Variants in ZFC3H1 observed in about 807,000 individuals in gnomAD.
ZFC3H1 encodes the protein zinc finger C3H1-type containing.
ZFC3H1 carries 71 observed loss-of-function variants against 243.7 expected under a neutral mutation model. The ratio of observed to expected loss-of-function variants is 0.29; its 90% confidence interval spans 0.24 to 0.36. The LOEUF is 0.36. Ranked by LOEUF, ZFC3H1 falls within the 10% of genes least tolerant of loss-of-function variation. The pLI, the probability that ZFC3H1 is intolerant of heterozygous loss-of-function variation, is 1.00. For missense variants in ZFC3H1, 1,966 were observed against 2,317.1 expected, an observed-to-expected ratio of 0.85 and a Z score of 3.11; for synonymous variants, 838 against 813.0, an observed-to-expected ratio of 1.03 and a Z score of -0.52.
intron 6 of ZFC3H1, among the ~76,000 whole-genome samples, chr12:71,640,584 C>A (rs1880576325): frequency 6.6e-6 from 1 of 152,216 alleles, no homozygotes. Context: ...ACCCCCAAGG[C>A]CATGCAACTG....
chr12:71,644,592 G>A (rs1263427699), intron 4 of ZFC3H1, among the ~76,000 whole-genome samples: 1 of 152,154 alleles, frequency 6.6e-6, no homozygotes, highest in Non-Finnish European at 1.5e-5. Flanking sequence ...TGAGGCGAGT[G>A]GATCACCTGA....
intron 6 of ZFC3H1, among the ~76,000 whole-genome samples, chr12:71,640,430 T>A (rs1880572250): frequency 6.6e-6 from 1 of 152,236 alleles, no homozygotes. Context: ...CAGATCAAGA[T>A]GCAGAGGCCA....
chr12:71,612,033 C>T, intron 31 of ZFC3H1, 146 bp from the exon 32 acceptor site: 1 of 509,620 alleles, frequency 2.0e-6, no homozygotes, highest in Middle Eastern at 4.6e-4. Flanking sequence ...ATGCCTCTTA[C>T]AAAAATTACC....
In ZFC3H1 at chr12:71,663,006, A is replaced by C; in HGVS notation, c.598+7T>G. The C allele has an allele frequency of 6.3e-7, 1 of 1,584,654 alleles. No homozygotes were observed. The highest frequency in any genetic ancestry group is 8.6e-7 in the Non-Finnish European group (1 of 1,165,158). On this transcript the variant is annotated splice_region_variant and intron_variant, in intron 1 of 34. Coordinates refer to ENST00000378743, the MANE Select transcript of ZFC3H1 (RefSeq NM_144982.5). ...ACACCCAGCGCCGACCGCCACGTTA[A>C]GGATACAGCTCTTCCGAGGTGGAGA...
intron 3 of ZFC3H1, among the ~76,000 whole-genome samples, chr12:71,647,313 T>C (rs1356506140): frequency 6.6e-6 from 1 of 152,092 alleles, no homozygotes; most frequent in Admixed American, 6.6e-5. Flanking sequence ...TAAGTTCAGT[T>C]TGTAGAAAAG....
intron 1 of ZFC3H1, among the ~76,000 whole-genome samples, chr12:71,658,314 A>T (rs1338320488): frequency 8.2e-6 from 1 of 121,376 alleles, no homozygotes; most frequent in Non-Finnish European, 1.6e-5. Flanking sequence ...TTTGAGACAG[A>T]GTCTCGCACT....
intron 31 of ZFC3H1, among the ~76,000 whole-genome samples, chr12:71,612,806 A>G (rs1193938949): frequency 6.6e-6 from 1 of 152,180 alleles, no homozygotes; most frequent in Non-Finnish European, 1.5e-5. Flanking sequence ...TTGCTGTATC[A>G]GAGCAGAGAA....
rs574087948 is a variant in ZFC3H1, at chr12:71,625,906, A to G, written c.4317+354T>C. The stretch of plus-strand genomic sequence containing the variant: ...TAGAGGCAATTTAAGATAAATTTAA[A>G]AGAAACAATTTTTTCAGGTGTTTTG... On this transcript the variant is annotated intron_variant, in intron 22 of 34. Transcript: ENST00000378743. 1.2e-3 allele frequency among the ~76,000 whole-genome samples: 177 copies of G among 152,338 alleles called. 1 individual carries two copies. Among genetic ancestry groups the G allele is most frequent in the African/African-American group, 4.0e-3 (168 of 41,584 alleles).
rs993320458 is a variant in ZFC3H1, at chr12:71,631,903, A to G, written c.3361-16T>C. On this transcript the variant is annotated splice_polypyrimidine_tract_variant and intron_variant, in intron 15 of 34. Coordinates refer to ENST00000378743, the MANE Select transcript of ZFC3H1 (RefSeq NM_144982.5). ...CAGAAATCTCCTGCAAAAGAAAATA[A>G]TAATTCTGTAAGGCAAATAAGGCTG... The G allele has an allele frequency of 1.9e-6, 3 of 1,609,156 alleles. No homozygotes were observed. Among genetic ancestry groups the G allele is most frequent in the Non-Finnish European group, 2.5e-6 (3 of 1,178,638 alleles).
At chr12:71,644,681 G>C (rs1228134913) in intron 4 of ZFC3H1, among the ~76,000 whole-genome samples, 196 bp downstream of exon 4, 1 of 152,006 alleles carries the variant, frequency 6.6e-6, no homozygotes, top group Non-Finnish European at 1.5e-5. Flanking sequence ...AGCCAGGCGT[G>C]GTGGTGGGCG....
At chr12:71,657,985 T>A (rs943508104) in intron 1 of ZFC3H1, among the ~76,000 whole-genome samples, 1 of 149,742 alleles carries the variant, frequency 6.7e-6, no homozygotes, top group African/African-American at 2.5e-5. Context: ...GGAGACCTCA[T>A]CTCAAAAAAA....
At chr12:71,636,823 A>T in intron 8 of ZFC3H1, 27 bp downstream of exon 8, 2 of 1,610,596 alleles carry the variant, frequency 1.2e-6, no homozygotes, top group Non-Finnish European at 1.7e-6. Context: ...CAAGAGCACC[A>T]CCTAGAGGTT....
intron 16 of ZFC3H1, 79 bp downstream of exon 16, chr12:71,631,699 T>C: frequency 8.2e-7 from 1 of 1,224,004 alleles, no homozygotes; most frequent in Non-Finnish European, 1.1e-6. Flanking sequence ...TTTTTCATTA[T>C]CATCAAATAT....
At chr12:71,643,240 G>A (rs1217989143) in intron 5 of ZFC3H1, among the ~76,000 whole-genome samples, 3 of 151,836 alleles carry the variant, frequency 2.0e-5, no homozygotes, top group Non-Finnish European at 4.4e-5. Flanking sequence ...GTGAAACCCC[G>A]TCTCTACTAA....
chr12:71,656,857 TACTA>T, intron 2 of ZFC3H1, 24 bp downstream of exon 2: 1 of 1,576,924 alleles, frequency 6.3e-7, no homozygotes. Context: ...GAAGAGTCAT[TACTA>T]ACTGAAATAT....
At chr12:71,662,628 A>G (rs570658702) in intron 1 of ZFC3H1, among the ~76,000 whole-genome samples, 23 of 152,098 alleles carry the variant, frequency 1.5e-4, no homozygotes, top group Non-Finnish European at 2.9e-4. Context: ...TAAAGCAACA[A>G]TATTACTTAA....
intron 24 of ZFC3H1, among the ~76,000 whole-genome samples, chr12:71,621,246 G>C (rs1210357525): frequency 6.6e-6 from 1 of 151,740 alleles, no homozygotes; most frequent in African/African-American, 2.4e-5. Flanking sequence ...TAACTTCTAT[G>C]TGAATAACAC....
intron 3 of ZFC3H1, among the ~76,000 whole-genome samples, chr12:71,646,429 A>G (rs1234430521): frequency 6.6e-6 from 1 of 152,214 alleles, no homozygotes; most frequent in Non-Finnish European, 1.5e-5. Flanking sequence ...TACCTAAGCC[A>G]CACTAATCAC....
intron 24 of ZFC3H1, among the ~76,000 whole-genome samples, chr12:71,622,756 G>A (rs897319936): frequency 6.6e-6 from 1 of 152,130 alleles, no homozygotes; most frequent in African/African-American, 2.4e-5. Context: ...CACTGTGCCC[G>A]GCCCTAGTCT....
Sources: allele counts gnomAD v4.1 joint callset (sites outside exome capture counted in the v4.1 genomes callset), GRCh38; gene constraint gnomAD v4.1.1; transcripts MANE v1.5; gene names NCBI Gene and HGNC (gene_info 2026-07-23, HGNC 2026-07-21).